Variants in WFS1 observed in about 807,000 individuals in gnomAD.
WFS1 encodes wolframin ER transmembrane glycoprotein, also known as wolframin.
In WFS1, 90 loss-of-function variants were observed where a neutral mutation model predicts 68.5. The observed-to-expected ratio is 1.31, with a 90% confidence interval of 1.11 to 1.56. The LOEUF is 1.56. WFS1 is among the 40% of genes most tolerant of loss of function. WFS1 has a pLI of 0.00. For missense variants in WFS1, 1,767 were observed against 1,232.6 expected, an observed-to-expected ratio of 1.43 and a Z score of -6.49; for synonymous variants, 860 against 540.7, an observed-to-expected ratio of 1.59 and a Z score of -8.19.
chr4:6,293,665 T>C (rs559131720), intron 6 of WFS1, among the ~76,000 whole-genome samples: 31 of 152,300 alleles, frequency 2.0e-4, no homozygotes, highest in Non-Finnish European at 4.0e-4. Context: ...CTGCTCCTTC[T>C]TGGGGTCCCT....
intron 2 of WFS1, among the ~76,000 whole-genome samples, chr4:6,285,264 GGGGACA>G: frequency 5.3e-5 from 8 of 150,522 alleles, no homozygotes; most frequent in East Asian, 3.9e-4. Flanking sequence ...TTCCAGGGAC[GGGGACA>G]TCCAGGGAGA....
At position 6,274,204 on chromosome 4, in the gene WFS1, G is replaced by A. The variant is rs181275309; in HGVS notation, c.-5-3247G>A. Reference sequence around the variant, plus strand: ...TGGGACTATCGGCGCCCGCCACCACGCCTGGCTAATTTTTTTGTATTTTTA... The same window carrying A: ...TGGGACTATCGGCGCCCGCCACCACACCTGGCTAATTTTTTTGTATTTTTA... On this transcript the variant is annotated intron_variant, in intron 1 of 7. Coordinates refer to ENST00000226760, the MANE Select transcript of WFS1 (RefSeq NM_006005.3). Among the ~76,000 whole-genome samples, 13 of 152,070 alleles carry A rather than the reference G, an allele frequency of 8.5e-5. No homozygotes were observed. In the South Asian group the frequency reaches 1.5e-3, roughly 17 times the overall value.
intron 7 of WFS1, among the ~76,000 whole-genome samples, chr4:6,299,876 C>CAGGTAGGT (rs1730803483): frequency 2.0e-5 from 1 of 48,982 alleles, no homozygotes; most frequent in African/African-American, 9.3e-5. Flanking sequence ...TAGGGGTGGG[C>CAGGTAGGT]TGCATGTGTG....
chr4:6,271,056 A>G (rs1471864268), intron 1 of WFS1, among the ~76,000 whole-genome samples: 3 of 152,186 alleles, frequency 2.0e-5, no homozygotes, highest in Non-Finnish European at 4.4e-5. Context: ...GCCAGCATCC[A>G]TCACTCAAGG....
At chr4:6,290,272 A>G (rs1234315419) in intron 4 of WFS1, among the ~76,000 whole-genome samples, 1 of 152,254 alleles carries the variant, frequency 6.6e-6, no homozygotes, top group Non-Finnish European at 1.5e-5. Context: ...TTTATTATAC[A>G]GAGTCTTCTC....
intron 7 of WFS1, among the ~76,000 whole-genome samples, chr4:6,299,121 C>T (rs1331120902): frequency 6.6e-6 from 1 of 152,242 alleles, no homozygotes; most frequent in African/African-American, 2.4e-5. Context: ...GCCACTTTGT[C>T]CCCCATCCCC....
At chr4:6,288,782 C>A in intron 3 of WFS1, 1 of 720,170 alleles carries the variant, frequency 1.4e-6, no homozygotes, top group South Asian at 1.7e-5. Context: ...GGTGGCCACA[C>A]CTTCCTCACC....
chr4:6,272,059 A>G (rs1578581250), intron 1 of WFS1, among the ~76,000 whole-genome samples: 1 of 152,338 alleles, frequency 6.6e-6, no homozygotes, highest in South Asian at 2.1e-4. Flanking sequence ...CTGCTTGTCC[A>G]GAAGGCTCAG....
rs372883077 is a variant in WFS1 at position 6,285,159 on chromosome 4, G to GTCCAGGGAGAGTTACA, written c.233-1918_233-1903dup. On this transcript the variant is annotated intron_variant, in intron 2 of 7. Transcript: ENST00000226760. ...GCCCGAAACTCTGTGCAAGAGTTGCGTCCAGGGAGAGTTACATCCAGGGAG... is the reference window on the plus strand; with the variant it reads ...GCCCGAAACTCTGTGCAAGAGTTGCGTCCAGGGAGAGTTACATCCAGGGAGAGTTACATCCAGGGAG... Among the ~76,000 whole-genome samples, 6 of 58,014 alleles carry GTCCAGGGAGAGTTACA rather than the reference G, an allele frequency of 1.0e-4. No individual in the cohort carries two copies. The South Asian group carries it at 1.7e-3, about 16-fold the overall frequency. 38.1% of individuals were successfully genotyped at this position (58,014 alleles called of 152,430 possible).
chr4:6,294,115 A>T (rs946956246), intron 6 of WFS1, among the ~76,000 whole-genome samples: 1 of 152,120 alleles, frequency 6.6e-6, no homozygotes, highest in Non-Finnish European at 1.5e-5. Context: ...GCCATCTTGG[A>T]TGCAGCCTGC....
chr4:6,294,364 TTGG>T, intron 6 of WFS1, among the ~76,000 whole-genome samples: 1 of 152,170 alleles, frequency 6.6e-6, no homozygotes, highest in African/African-American at 2.4e-5. Flanking sequence ...TAGCAGGCTC[TTGG>T]TGGAAGATGT....
chr4:6,278,351 T>C (rs1730058499), intron 2 of WFS1, among the ~76,000 whole-genome samples: 1 of 152,170 alleles, frequency 6.6e-6, no homozygotes, highest in Non-Finnish European at 1.5e-5. Flanking sequence ...GTCCGGCCCC[T>C]GGGCACCTTC....
rs1730345145 is a variant in WFS1 at position 6,287,372 on chromosome 4, C to T, written c.315+197C>T. The T allele has an allele frequency of 1.6e-6, 1 of 621,358 alleles. No homozygotes were observed. Among genetic ancestry groups the T allele is most frequent in the South Asian group, 1.8e-5 (1 of 55,874 alleles). 38.5% of individuals were successfully genotyped at this position (621,358 alleles called of 1,614,324 possible). A position where few individuals can be genotyped will look rare whatever the true frequency, so the allele number is the denominator to read the frequency against. ...CTGTGCCAGTTTTCCTCCTGGCACT[C>T]CTCTGGGGAGCAGCGCTCATCCCCC... On this transcript the variant is annotated intron_variant, in intron 3 of 7. Coordinates refer to ENST00000226760, the MANE Select transcript of WFS1 (RefSeq NM_006005.3). This position sits in a 1 kb window ranked among gnomAD's most constrained non-coding sequence, Gnocchi z 6.4.
In WFS1 at chr4:6,300,986, C is replaced by T. The variant is rs201394228; in HGVS notation, c.1191C>T (p.Phe397=). 8.7e-5 allele frequency: 140 copies of T among 1,614,016 alleles called. No homozygotes were observed. Among genetic ancestry groups the T allele is most frequent in the East Asian group, 1.1e-4 (5 of 44,866 alleles). Residue 397 remains phenylalanine, a synonymous_variant, in exon 8 of 8, where the codon TTC becomes TTT. Transcript: ENST00000226760. The part of the protein sequence containing the change: ...NLDVEQAEVN[F]GWNHLEPYAH... ...ATGTGGAGCAGGCCGAGGTCAACTT[C>T]GGCTGGAACCACCTGGAGCCCTATG...
chr4:6,300,903 G>A lies in WFS1; in HGVS notation c.1108G>A (p.Ala370Thr), dbSNP rs753738539. ...CCTCAAGGTGTTCCAGGACAGCAAGGCCTGGGAGAACTTCCGCACCCTCAC... is the reference window on the plus strand; with the variant it reads ...CCTCAAGGTGTTCCAGGACAGCAAGACCTGGGAGAACTTCCGCACCCTCAC... ...CTLKVFQDSK[A>T]WENFRTLTDL... Residue 370 changes from alanine to threonine, a missense_variant, in exon 8 of 8, where the codon GCC becomes ACC. Ala to Thr is a moderately conservative substitution (Grantham distance 58, BLOSUM62 0). Coordinates refer to ENST00000226760, the MANE Select transcript of WFS1 (RefSeq NM_006005.3). 1 of 1,614,128 alleles carries A rather than the reference G, an allele frequency of 6.2e-7. No individual in the cohort carries two copies. Among genetic ancestry groups the A allele is most frequent in the Non-Finnish European group, 8.5e-7 (1 of 1,180,022 alleles).
chr4:6,292,054 G>A (rs1730481218), intron 6 of WFS1, 57 bp downstream of exon 6: 10 of 1,511,604 alleles, frequency 6.6e-6, no homozygotes, highest in African/African-American at 1.4e-5. Context: ...CCTGCAGGGC[G>A]ACCTCTCCTT....
At chr4:6,299,561 G>A (rs1288533780) in intron 7 of WFS1, among the ~76,000 whole-genome samples, 4 of 105,036 alleles carry the variant, frequency 3.8e-5, no homozygotes, top group Non-Finnish European at 8.2e-5. Context: ...TGTGTGTAGG[G>A]GTGGGTTGCG....
At chr4:6,297,613 C>T (rs190076122) in intron 7 of WFS1, among the ~76,000 whole-genome samples, 7 of 152,306 alleles carry the variant, frequency 4.6e-5, no homozygotes, top group Admixed American at 6.5e-5. Context: ...GCCTTCTTCA[C>T]GGGTCCGCTG....
intron 1 of WFS1, among the ~76,000 whole-genome samples, chr4:6,271,249 A>C (rs1411311929): frequency 2.0e-5 from 3 of 152,096 alleles, no homozygotes; most frequent in Admixed American, 6.5e-5. Context: ...AGGCTTCTCC[A>C]CATTTCAGCC....
Sources: allele counts gnomAD v4.1 joint callset (sites outside exome capture counted in the v4.1 genomes callset), GRCh38; gene constraint gnomAD v4.1.1; non-coding constraint Gnocchi (gnomAD v3.1); transcripts MANE v1.5; gene names NCBI Gene and HGNC (gene_info 2026-07-23, HGNC 2026-07-21).